The following CROCC variants were observed in gnomAD, a reference collection of about 807,000 sequenced individuals.
The protein encoded by CROCC is rootletin.
CROCC carries 180 observed loss-of-function variants against 245.2 expected under a neutral mutation model. That is an observed-to-expected ratio of 0.73 (90% CI 0.65 to 0.83). The LOEUF (loss-of-function observed/expected upper bound fraction) is 0.83, where lower values mean the gene tolerates loss of function less well. CROCC is among the 40% of genes least tolerant of loss of function. CROCC has a pLI of 0.00. For missense variants in CROCC, 2,688 were observed against 2,779.4 expected (o/e 0.97, Z 0.74); for synonymous variants, 1,205 against 1,241.6 (o/e 0.97, Z 0.62).
At position 16,948,519 on chromosome 1, in the gene CROCC, C is replaced by T; in HGVS notation, c.2703C>T (p.Arg901=). Residue 901 remains arginine, a synonymous_variant, in exon 18 of 37, where the codon CGC becomes CGT. Coordinates refer to ENST00000375541, the MANE Select transcript of CROCC (RefSeq NM_014675.5). ...GGACCCTGTCAGAGGAGGCCACACG[C>T]CTGCGGTAAGGCCTTGGGCTCTGCC... The part of the protein sequence containing the change: ...EGRTLSEEAT[R]LRLEKEALEG... 1 of 1,539,284 alleles carries T rather than the reference C, an allele frequency of 6.5e-7. No homozygotes were observed. Among genetic ancestry groups the T allele is most frequent in the Non-Finnish European group, 8.7e-7 (1 of 1,143,548 alleles).
chr1:16,920,268 G>A (rs528960762), upstream of CROCC, among the ~76,000 whole-genome samples: 14 of 152,324 alleles, frequency 9.2e-5, no homozygotes, highest in East Asian at 1.2e-3. Context: ...TAATAGAGAC[G>A]GGGTTTCACC....
At chr1:16,971,673 G>A in intron 36 of CROCC, 26 bp downstream of exon 36, 1 of 1,454,692 alleles carries the variant, frequency 6.9e-7, no homozygotes. Flanking sequence ...TAGAAGGCTG[G>A]GCCAGGATGG....
chr1:16,963,398 G>T (rs1413900197), intron 27 of CROCC, among the ~76,000 whole-genome samples: 2 of 151,922 alleles, frequency 1.3e-5, no homozygotes, highest in African/African-American at 2.4e-5. Flanking sequence ...CATCAAGCAG[G>T]GGGGTGAGAT....
chr1:16,948,262 T>C, intron 17 of CROCC, 69 bp from the exon 18 acceptor site: 1 of 1,466,642 alleles, frequency 6.8e-7, no homozygotes, highest in Non-Finnish European at 9.0e-7. Context: ...AGGCCCAGAG[T>C]TGGGGTGCTG....
intron 17 of CROCC, among the ~76,000 whole-genome samples, chr1:16,947,248 G>A (rs1462031116): frequency 2.0e-5 from 3 of 152,276 alleles, no homozygotes; most frequent in Non-Finnish European, 4.4e-5. Flanking sequence ...AGGCCGAGGC[G>A]GGTGGATCAC....
At chr1:16,955,932 C>T in intron 24 of CROCC, 65 bp from the exon 25 acceptor site, 1 of 1,538,960 alleles carries the variant, frequency 6.5e-7, no homozygotes. Context: ...GAGGAGACGG[C>T]TTTTGTGTAG....
intron 13 of CROCC, among the ~76,000 whole-genome samples, chr1:16,941,688 C>T (rs1159285135): frequency 2.0e-5 from 3 of 151,010 alleles, no homozygotes; most frequent in South Asian, 2.1e-4. Context: ...GCCGAGATGG[C>T]GCCACTGCAC....
intron 1 of CROCC, 25 bp downstream of exon 1, chr1:16,922,103 C>T: frequency 1.3e-6 from 2 of 1,529,858 alleles, no homozygotes; most frequent in South Asian, 1.2e-5. Context: ...CTGTGCCCAC[C>T]CTGTCTGGGG....
rs545100965 is a variant in CROCC, at chr1:16,953,441, G to A, written c.3146G>A (p.Arg1049His). ...SEEIAALQQE[R>H]DEGLLLAESE... ...GAGATTGCTGCCCTGCAGCAGGAGC[G>A]CGACGAGGGCCTCCTCCTAGCAGAG... Residue 1049 changes from arginine (R) to histidine (H), a missense_variant, in exon 21 of 37, where the codon CGC becomes CAC. Physicochemically the swap from Arg to His is conservative, Grantham distance 29 (BLOSUM62 0). Coordinates refer to ENST00000375541, the MANE Select transcript of CROCC (RefSeq NM_014675.5). 169 of 1,609,946 alleles carry A rather than the reference G, an allele frequency of 1.0e-4. No individual in the cohort carries two copies. The highest frequency in any genetic ancestry group is 2.2e-4 in the Middle Eastern group (1 of 4,476).
Position 16,958,577 on chromosome 1 carries a change from T to G in CROCC, c.3865-6T>G. On this transcript the variant is annotated splice_region_variant and splice_polypyrimidine_tract_variant and intron_variant, in intron 25 of 36. Transcript: ENST00000375541. ...TGAACCTGCTGCCATTCCCGTGCTC[T>G]CACAGATGAAGATGCTGGACAGTGA... 1 of 1,550,610 alleles carries G rather than the reference T, an allele frequency of 6.4e-7. No homozygotes were observed. Among genetic ancestry groups the G allele is most frequent in the Non-Finnish European group, 8.7e-7 (1 of 1,147,430 alleles).
chr1:16,926,649 A>G (rs2075540762), intron 3 of CROCC, among the ~76,000 whole-genome samples: 1 of 152,256 alleles, frequency 6.6e-6, no homozygotes, highest in Non-Finnish European at 1.5e-5. Flanking sequence ...AGAGGACCTC[A>G]GGGCCCCCAT....
At chr1:16,927,754 C>T (rs1318366878) in intron 3 of CROCC, among the ~76,000 whole-genome samples, 2 of 152,280 alleles carry the variant, frequency 1.3e-5, no homozygotes, top group African/African-American at 2.4e-5. Flanking sequence ...GATGTGGACA[C>T]CGCTCACCAT....
chr1:16,914,590 G>A (rs551844711), intron 1 of CROCC, among the ~76,000 whole-genome samples: 26 of 152,402 alleles, frequency 1.7e-4, no homozygotes, highest in Non-Finnish European at 3.4e-4. Context: ...TCCATTGTGC[G>A]GATGGGGAAA....
At chr1:16,958,827 C>A in intron 26 of CROCC, 77 bp downstream of exon 26, 1 of 1,482,750 alleles carries the variant, frequency 6.7e-7, no homozygotes, top group Non-Finnish European at 9.1e-7. Flanking sequence ...AATGCTGGGG[C>A]CATTCTGAAA....
At position 16,958,498 on chromosome 1, in the gene CROCC, G is replaced by A; in HGVS notation, c.3865-85G>A. ...GGTATTTGATACATGTGTCCCTACA[G>A]CAGTAGGTACCAAGTGGCCTTGGGC... On this transcript the variant is annotated intron_variant, in intron 25 of 36. Coordinates refer to ENST00000375541, the MANE Select transcript of CROCC (RefSeq NM_014675.5). 3 of 1,479,210 alleles carry A rather than the reference G, an allele frequency of 2.0e-6. No individual in the cohort carries two copies. The South Asian group carries it at 3.7e-5, about 18-fold the overall frequency. 91.6% of individuals were successfully genotyped at this position (1,479,210 alleles called of 1,614,324 possible).
At chr1:16,926,990 G>A (rs1295365705) in intron 3 of CROCC, among the ~76,000 whole-genome samples, 4 of 152,258 alleles carry the variant, frequency 2.6e-5, no homozygotes, top group African/African-American at 9.6e-5. Context: ...CTGAGCACTG[G>A]AGAAGGGGGA....
At position 16,930,559 on chromosome 1, in the gene CROCC, G is replaced by A; in HGVS notation, c.814G>A (p.Glu272Lys). The change falls in exon 7 of 37, where the codon GAG becomes AAG. Residue 272 changes from glutamate to lysine, a missense_variant. This residue lies in a region of CROCC where 972 missense variants were observed against 895.3 expected (regional missense o/e 1.09). Coordinates refer to ENST00000375541, the MANE Select transcript of CROCC (RefSeq NM_014675.5). Reference protein sequence around the residue: ...NDWTRCRKELEHREAAWRREE... With the variant: ...NDWTRCRKELKHREAAWRREE... The stretch of plus-strand genomic sequence containing the variant: ...CTGGACACGCTGCCGCAAGGAGCTG[G>A]AGCACCGGGAGGCGGCGTGGAGGCG... The A allele has an allele frequency of 6.2e-7, 1 of 1,612,238 alleles. No individual in the cohort carries two copies. Among genetic ancestry groups the A allele is most frequent in the Non-Finnish European group, 8.5e-7 (1 of 1,179,698 alleles).
At chr1:16,932,332 C>T (rs1314158815) in intron 8 of CROCC, among the ~76,000 whole-genome samples, 6 of 152,298 alleles carry the variant, frequency 3.9e-5, no homozygotes, top group Non-Finnish European at 7.4e-5. Flanking sequence ...CCCAGCTACT[C>T]GGGAGGCTGA....
intron 19 of CROCC, 107 bp from the exon 20 acceptor site, chr1:16,950,846 C>A: frequency 2.2e-6 from 2 of 929,848 alleles, no homozygotes; most frequent in Non-Finnish European, 3.1e-6. Context: ...GCCAGGCAGG[C>A]CCTCTGCCTC....
Sources: gnomAD v4.1 joint callset for allele counts (sites outside exome capture counted in the v4.1 genomes callset) on GRCh38, gnomAD v4.1.1 for gene constraint, gnomAD v4.1.1 regional missense constraint, MANE v1.5 for transcripts, NCBI Gene and HGNC (gene_info 2026-07-23, HGNC 2026-07-21) for gene names.